Variants in ROR1 observed in about 807,000 individuals in gnomAD.
The protein encoded by ROR1 is inactive tyrosine-protein kinase transmembrane receptor ROR1.
A neutral mutation model predicts 78.8 loss-of-function variants in ROR1; 19 were observed. The observed-to-expected ratio is 0.24, with a 90% CI of 0.17 to 0.35. ROR1 has a LOEUF of 0.35. Ranked by LOEUF, ROR1 falls within the 10% of genes least tolerant of loss-of-function variation. The pLI is 1.00. For synonymous variants in ROR1, 386 were observed against 433.6 expected (o/e 0.89, Z 1.36); for missense variants, 917 against 1,177.8 (o/e 0.78, Z 3.24).
At chr1:63,980,437 A>C (rs1391204736) in intron 1 of ROR1, among the ~76,000 whole-genome samples, 2 of 152,192 alleles carry the variant, frequency 1.3e-5, no homozygotes. Context: ...ACTGCTGTTC[A>C]TTTTTGTGCT....
chr1:64,021,873 AT>A (rs1646567802), intron 2 of ROR1, among the ~76,000 whole-genome samples: 1 of 152,254 alleles, frequency 6.6e-6, no homozygotes, highest in Admixed American at 6.5e-5. Context: ...AGTAGAAGAC[AT>A]AAAAATTGTA....
intron 4 of ROR1, among the ~76,000 whole-genome samples, chr1:64,127,691 A>G (rs950927606): frequency 6.6e-6 from 1 of 152,178 alleles, no homozygotes; most frequent in Non-Finnish European, 1.5e-5. Flanking sequence ...TTTGATGTCT[A>G]CCTCGAGGCC....
intron 1 of ROR1, among the ~76,000 whole-genome samples, chr1:63,834,884 A>C (rs1274821701): frequency 6.6e-6 from 1 of 151,958 alleles, no homozygotes; most frequent in Non-Finnish European, 1.5e-5. Context: ...CTACCTGATC[A>C]ATTCTGCTTG....
chr1:63,851,210 C>T (rs1306979819), intron 1 of ROR1, among the ~76,000 whole-genome samples: 1 of 152,128 alleles, frequency 6.6e-6, no homozygotes, highest in Admixed American at 6.5e-5. Flanking sequence ...AATTTCTTGA[C>T]CTGGTGATCC....
At chr1:63,929,695 G>A (rs1380267111) in intron 1 of ROR1, among the ~76,000 whole-genome samples, 1 of 152,206 alleles carries the variant, frequency 6.6e-6, no homozygotes, top group African/African-American at 2.4e-5. Flanking sequence ...TTGAAAAGCA[G>A]TTCTTATTCC....
At chr1:64,138,917 C>G (rs938208593) in intron 5 of ROR1, among the ~76,000 whole-genome samples, 1 of 152,060 alleles carries the variant, frequency 6.6e-6, no homozygotes, top group Non-Finnish European at 1.5e-5. Flanking sequence ...AATCCCAGCA[C>G]TTTGGGAAGC....
intron 1 of ROR1, among the ~76,000 whole-genome samples, chr1:63,834,208 C>A (rs1645006480): frequency 6.6e-6 from 1 of 151,662 alleles, no homozygotes; most frequent in South Asian, 2.1e-4. Flanking sequence ...GGCATTTGAG[C>A]TGAGGGATGG....
chr1:63,948,657 C>T (rs1487802443), intron 1 of ROR1, among the ~76,000 whole-genome samples: 1 of 152,142 alleles, frequency 6.6e-6, no homozygotes, highest in African/African-American at 2.4e-5. Context: ...AAACCCTAAC[C>T]CCCAATATGA....
chr1:63,876,576 A>G (rs1645286362), intron 1 of ROR1, among the ~76,000 whole-genome samples: 2 of 151,916 alleles, frequency 1.3e-5, no homozygotes, highest in Middle Eastern at 3.2e-3. Context: ...AGATGACTCA[A>G]TGCAATTATG....
intron 7 of ROR1, among the ~76,000 whole-genome samples, chr1:64,158,280 T>TTA (rs1420131416): frequency 6.6e-6 from 1 of 152,234 alleles, no homozygotes; most frequent in Non-Finnish European, 1.5e-5. Flanking sequence ...AAGTGTCAGA[T>TTA]TATACAGTGC....
intron 7 of ROR1, among the ~76,000 whole-genome samples, chr1:64,155,744 A>G (rs186611446): frequency 2.6e-5 from 4 of 152,318 alleles, no homozygotes; most frequent in African/African-American, 9.6e-5. Context: ...TTGCGTTAGT[A>G]CTAAATTAGC....
chr1:64,176,191 AATAAAC>A (rs1650373766), intron 8 of ROR1, among the ~76,000 whole-genome samples: 1 of 152,216 alleles, frequency 6.6e-6, no homozygotes, highest in Non-Finnish European at 1.5e-5. Context: ...AAGGTCAATT[AATAAAC>A]AACCCACTTG....
chr1:64,013,183 A>T (rs969708510), intron 2 of ROR1, among the ~76,000 whole-genome samples: 3 of 152,198 alleles, frequency 2.0e-5, no homozygotes, highest in African/African-American at 7.2e-5. Flanking sequence ...GTTTTGGGTT[A>T]ATATGGTTAT....
intron 4 of ROR1, 121 bp downstream of exon 4, chr1:64,050,837 G>A: frequency 1.0e-6 from 1 of 959,802 alleles, no homozygotes; most frequent in Non-Finnish European, 1.7e-6. Context: ...ATTCCATTTT[G>A]CCCTGCCCTC....
At chr1:63,936,088 G>A (rs1269437027) in intron 1 of ROR1, among the ~76,000 whole-genome samples, 4 of 152,206 alleles carry the variant, frequency 2.6e-5, no homozygotes, top group Admixed American at 2.6e-4. Flanking sequence ...ATTACCTGCT[G>A]ATTGAAAGAC....
intron 7 of ROR1, among the ~76,000 whole-genome samples, chr1:64,149,141 A>G (rs533142996): frequency 2.0e-5 from 3 of 152,322 alleles, no homozygotes; most frequent in South Asian, 4.1e-4. Flanking sequence ...CTGTGCCGGC[A>G]TCTAGCCTAG....
intron 7 of ROR1, among the ~76,000 whole-genome samples, chr1:64,146,622 A>G (rs1649481246): frequency 6.6e-6 from 1 of 152,208 alleles, no homozygotes; most frequent in Non-Finnish European, 1.5e-5. Context: ...GCTGGAAGAC[A>G]TATTGATACT....
intron 1 of ROR1, among the ~76,000 whole-genome samples, chr1:63,916,730 G>T (rs1645611837): frequency 1.3e-5 from 2 of 152,094 alleles, no homozygotes; most frequent in Non-Finnish European, 2.9e-5. Flanking sequence ...AGACTCCTTG[G>T]CTATTGACAG....
intron 7 of ROR1, among the ~76,000 whole-genome samples, chr1:64,151,639 G>A (rs1014412190): frequency 5.9e-5 from 9 of 151,872 alleles, no homozygotes; most frequent in South Asian, 2.1e-4. Flanking sequence ...TTGGGAGGCC[G>A]AGGCGGGCAG....
Sources: gnomAD v4.1 joint callset for allele counts (sites outside exome capture counted in the v4.1 genomes callset) on GRCh38, gnomAD v4.1.1 for gene constraint, MANE v1.5 for transcripts, NCBI Gene and HGNC (gene_info 2026-07-23, HGNC 2026-07-21) for gene names.